Variants in ABHD15 observed in about 807,000 individuals in gnomAD.
ABHD15 encodes protein ABHD15.
ABHD15 carries 34 observed loss-of-function variants against 34.4 expected under a neutral mutation model. The observed-to-expected ratio is 0.99, with a 90% confidence interval of 0.75 to 1.32. The LOEUF is 1.32. Ranked by LOEUF, ABHD15 falls within the 40% of genes most tolerant of loss-of-function variation. ABHD15 has a pLI of 0.00. For missense variants in ABHD15, 644 were observed against 650.4 expected, an observed-to-expected ratio of 0.99 and a Z score of 0.11; for synonymous variants, 314 against 299.2, an observed-to-expected ratio of 1.05 and a Z score of -0.51.
chr17:29,565,877 G>A (rs61204293), intron 1 of ABHD15, among the ~76,000 whole-genome samples: 2,276 of 152,340 alleles, frequency 0.015, 71 homozygotes, highest in African/African-American at 0.051. Context: ...CTAGCACAGC[G>A]ATACTAGCTG....
chr17:29,566,042 G>C, intron 1 of ABHD15, 44 bp downstream of exon 1: 1 of 1,507,128 alleles, frequency 6.6e-7, no homozygotes, highest in African/African-American at 1.4e-5. Flanking sequence ...GCCAGCTCAG[G>C]CCCTCTATTC....
At chr17:29,565,771 C>T (rs2032696522) in intron 1 of ABHD15, among the ~76,000 whole-genome samples, 1 of 152,238 alleles carries the variant, frequency 6.6e-6, no homozygotes, top group East Asian at 1.9e-4. Context: ...TGGTAAATGT[C>T]AGGTATCTCT....
intron 1 of ABHD15, 135 bp from the exon 2 acceptor site, chr17:29,563,221 T>C (rs999183845): frequency 2.1e-6 from 2 of 969,826 alleles, no homozygotes; most frequent in Non-Finnish European, 3.0e-6. Context: ...CATTTAGGGC[T>C]TCGAAAACGT....
chr17:29,566,780 G>A lies in ABHD15; in HGVS notation c.187C>T (p.Arg63Cys), dbSNP rs753204420. The A allele has an allele frequency of 6.6e-7, 1 of 1,510,106 alleles. No homozygotes were observed. Among genetic ancestry groups the A allele is most frequent in the Non-Finnish European group, 8.8e-7 (1 of 1,136,216 alleles). 93.5% of individuals were successfully genotyped at this position (1,510,106 alleles called of 1,614,324 possible). Residue 63 changes from arginine (R) to cysteine (C), a missense_variant, in exon 1 of 2, where the codon CGC (arginine) becomes TGC (cysteine). By Grantham distance (180) the Arg-to-Cys change is radical (BLOSUM62 -3). Coordinates refer to ENST00000307201, the MANE Select transcript of ABHD15 (RefSeq NM_198147.3). ...GGPADQFSDG[R>C]EPLPGGCSLV... The stretch of plus-strand genomic sequence containing the variant: ...CTGCACCCTCCCGGCAGTGGCTCGC[G>A]CCCGTCGCTGAACTGGTCCGCCGGG...
At chr17:29,565,083 G>A (rs1029455700) in intron 1 of ABHD15, among the ~76,000 whole-genome samples, 2 of 151,840 alleles carry the variant, frequency 1.3e-5, no homozygotes, top group African/African-American at 2.4e-5. Context: ...GAGAAACCCC[G>A]TCTCTACCAA....
rs2150792473 is a variant in ABHD15, at chr17:29,566,861, T to C, written c.106A>G (p.Arg36Gly). Residue 36 changes from arginine to glycine, a missense_variant, in exon 1 of 2, where the codon AGG (arginine) becomes GGG (glycine). Arg to Gly is a moderately radical substitution (Grantham distance 125). Transcript: ENST00000307201. ...CGGTCTTGGGCCCCCGGCAGGGTCC[T>C]CTCTCCGACGGCGCGCCCCCAGGGT... ...RGPWGRAVGERTLPGAQDRDD... is the reference protein window; with the variant it reads ...RGPWGRAVGEGTLPGAQDRDD... 3 of 1,506,694 alleles carry C rather than the reference T, an allele frequency of 2.0e-6. No individual in the cohort carries two copies. The highest frequency in any genetic ancestry group is 1.4e-5 in the African/African-American group (1 of 69,072). 93.3% of individuals were successfully genotyped at this position (1,506,694 alleles called of 1,614,324 possible). A position where few individuals can be genotyped will look rare whatever the true frequency, so the allele number is the denominator to read the frequency against.
At position 29,563,616 on chromosome 17, in the gene ABHD15, C is replaced by T. The variant is rs756517743; in HGVS notation, c.882-530G>A. Among the ~76,000 whole-genome samples, 78 of 152,042 alleles carry T rather than the reference C, an allele frequency of 5.1e-4. 2 individuals carry two copies. Among genetic ancestry groups the T allele is most frequent in the Middle Eastern group, 6.3e-3 (2 of 316 alleles). On this transcript the variant is annotated intron_variant, in intron 1 of 1. Coordinates refer to ENST00000307201, the MANE Select transcript of ABHD15 (RefSeq NM_198147.3). ...GTGGCTCATGCCTGTAATCCCAGAACTTTGGGAGGCTGAGGCAGGTGGATC... is the reference window on the plus strand; with the variant it reads ...GTGGCTCATGCCTGTAATCCCAGAATTTTGGGAGGCTGAGGCAGGTGGATC...
chr17:29,563,846 G>A (rs551217117), intron 1 of ABHD15, among the ~76,000 whole-genome samples: 18 of 152,224 alleles, frequency 1.2e-4, no homozygotes, highest in Admixed American at 3.3e-4. Flanking sequence ...CTGACAGAGC[G>A]AGACTCCATC....
Position 29,562,340 on chromosome 17 carries a change from T to G in ABHD15, c.*221A>C. 2.1e-6 allele frequency: 1 copy of G among 485,076 alleles called. No homozygotes were observed. Among genetic ancestry groups the G allele is most frequent in the Non-Finnish European group, 3.6e-6 (1 of 275,728 alleles). The allele number at this position is 485,076 out of a possible 1,614,324, so 30.0% of individuals were successfully genotyped here. A position where few individuals can be genotyped will look rare whatever the true frequency, so the allele number is the denominator to read the frequency against. On this transcript the variant is annotated 3_prime_UTR_variant, in exon 2 of 2. Transcript: ENST00000307201. ...CCGCTGCTGACCGGATGAGTAGGGA[T>G]ATGTTGAGCAGAGGCCAGGCAGGAG... is the stretch of plus-strand genomic sequence containing the variant.
intron 1 of ABHD15, among the ~76,000 whole-genome samples, chr17:29,564,185 A>G (rs969114025): frequency 2.6e-5 from 4 of 152,270 alleles, no homozygotes; most frequent in African/African-American, 4.8e-5. Flanking sequence ...CTTGCTGCTC[A>G]GAGTATCCAA....
chr17:29,563,882 A>T (rs969060126), intron 1 of ABHD15, among the ~76,000 whole-genome samples: 3 of 152,168 alleles, frequency 2.0e-5, no homozygotes, highest in African/African-American at 4.8e-5. Context: ...ATAAATAAAT[A>T]AAATAATAAA....
In ABHD15 at chr17:29,566,110, A is replaced by G; in HGVS notation, c.857T>C (p.Leu286Pro). 1.3e-6 allele frequency: 2 copies of G among 1,545,220 alleles called. No individual in the cohort carries two copies. The highest frequency in any genetic ancestry group is 1.7e-6 in the Non-Finnish European group (2 of 1,144,286). ...LPWPYERGFL[L>P]HQKIALSRYA... is the part of the protein sequence containing the mutation. Reference sequence around the variant, plus strand: ...CCTGCTGAGGGCGATCTTCTGGTGGAGCAGAAAGCCCCGCTCGTAGGGCCA... The same window carrying G: ...CCTGCTGAGGGCGATCTTCTGGTGGGGCAGAAAGCCCCGCTCGTAGGGCCA... The change falls in exon 1 of 2, where the codon CTC (leucine) becomes CCC (proline). Residue 286 changes from leucine to proline, a missense_variant. Coordinates refer to ENST00000307201, the MANE Select transcript of ABHD15 (RefSeq NM_198147.3).
At chr17:29,564,715 A>T (rs1180663660) in intron 1 of ABHD15, among the ~76,000 whole-genome samples, 2 of 152,110 alleles carry the variant, frequency 1.3e-5, no homozygotes, top group Non-Finnish European at 2.9e-5. Context: ...TTAACCGGGC[A>T]TGGTGGCATG....
At position 29,562,793 on chromosome 17, in the gene ABHD15, C is replaced by T. The variant is rs1255989194; in HGVS notation, c.1175G>A (p.Cys392Tyr). ...FLLLSRHGGH[C>Y]GFLRQEPLPA... ...CAAGGGCTCCTGGCGCAGGAAGCCA[C>T]AGTGGCCTCCGTGGCGACTGAGCAG... The change falls in exon 2 of 2, where the codon TGT becomes TAT. Residue 392 changes from cysteine to tyrosine, a missense_variant. By Grantham distance (194) the Cys-to-Tyr change is radical. Transcript: ENST00000307201. The T allele has an allele frequency of 6.2e-7, 1 of 1,613,402 alleles. No homozygotes were observed. Among genetic ancestry groups the T allele is most frequent in the Non-Finnish European group, 8.5e-7 (1 of 1,179,430 alleles).
Position 29,562,562 on chromosome 17 carries a change from C to T in ABHD15, c.1406G>A (p.Ter469=), listed in dbSNP as rs1203724654. 7 of 1,611,220 alleles carry T rather than the reference C, an allele frequency of 4.3e-6. No individual in the cohort carries two copies. Among genetic ancestry groups the T allele is most frequent in the Non-Finnish European group, 5.9e-6 (7 of 1,178,308 alleles). The change falls in exon 2 of 2, where the codon TGA becomes TAA. Residue 469 remains the stop codon, a stop_retained_variant. Transcript: ENST00000307201. ...TTGGGGGTTCTCAGGCCAGGTCTTT[C>T]ACCTTGTGTATGATCGCTTCCAGTT... The part of the protein sequence containing the change: ...IFNWKRSYTR[*]
intron 1 of ABHD15, 113 bp downstream of exon 1, chr17:29,565,973 C>G: frequency 1.4e-6 from 2 of 1,409,374 alleles, no homozygotes; most frequent in Non-Finnish European, 1.9e-6. Flanking sequence ...GTTCAGAGAA[C>G]TTTGCCCAAA....
chr17:29,562,971 C>T lies in ABHD15; in HGVS notation c.997G>A (p.Asp333Asn), dbSNP rs151130735. ...CHTKSFPISWDTYWDRNDPLR... is the reference protein window; with the variant it reads ...CHTKSFPISWNTYWDRNDPLR... ...GGGTCGTTGCGGTCCCAGTAGGTATCCCAGCTGATGGGGAAGCTTTTGGTG... is the reference window on the plus strand; with the variant it reads ...GGGTCGTTGCGGTCCCAGTAGGTATTCCAGCTGATGGGGAAGCTTTTGGTG... Residue 333 changes from aspartate to asparagine, a missense_variant, in exon 2 of 2, where the codon GAT becomes AAT. Physicochemically the swap from Asp to Asn is conservative, Grantham distance 23. Coordinates refer to ENST00000307201, the MANE Select transcript of ABHD15 (RefSeq NM_198147.3). The T allele has an allele frequency of 1.5e-4, 242 of 1,613,968 alleles. No individual in the cohort carries two copies. The highest frequency in any genetic ancestry group is 1.9e-4 in the Non-Finnish European group (221 of 1,180,018).
chr17:29,563,044 C>T lies in ABHD15; in HGVS notation c.924G>A (p.Leu308=). ...ALEDTVDTSR[L]FRSRSLREFE... ...ACTCTCGAAGGGAACGGCTCCTGAA[C>T]AGTCTGCTGGTGTCCACAGTGTCCT... Residue 308 remains leucine, a synonymous_variant, in exon 2 of 2, where the codon CTG becomes CTA. Coordinates refer to ENST00000307201, the MANE Select transcript of ABHD15 (RefSeq NM_198147.3). The T allele has an allele frequency of 6.2e-7, 1 of 1,610,674 alleles. No individual in the cohort carries two copies.
At position 29,566,120 on chromosome 17, in the gene ABHD15, C is replaced by A; in HGVS notation, c.847G>T (p.Gly283Cys). The A allele has an allele frequency of 6.4e-7, 1 of 1,555,388 alleles. No individual in the cohort carries two copies. The highest frequency in any genetic ancestry group is 8.7e-7 in the Non-Finnish European group (1 of 1,148,912). ...GCGATCTTCTGGTGGAGCAGAAAGCCCCGCTCGTAGGGCCAGGGCAGGCCG... is the reference window on the plus strand; with the variant it reads ...GCGATCTTCTGGTGGAGCAGAAAGCACCGCTCGTAGGGCCAGGGCAGGCCG... The part of the protein sequence containing the change: ...EAGLPWPYER[G>C]FLLHQKIALS... The change falls in exon 1 of 2, where the codon GGC becomes TGC. Residue 283 changes from glycine to cysteine, a missense_variant. Coordinates refer to ENST00000307201, the MANE Select transcript of ABHD15 (RefSeq NM_198147.3).
Sources: allele counts gnomAD v4.1 joint callset (sites outside exome capture counted in the v4.1 genomes callset), GRCh38; gene constraint gnomAD v4.1.1; transcripts MANE v1.5; gene names NCBI Gene and HGNC (gene_info 2026-07-23, HGNC 2026-07-21).